The following TENM4 variants were observed in gnomAD, a reference collection of about 807,000 sequenced individuals.
The protein encoded by TENM4 is teneurin transmembrane protein 4.
TENM4 carries 82 observed loss-of-function variants against 243.3 expected under a neutral mutation model. The ratio of observed to expected loss-of-function variants is 0.34; its 90% CI spans 0.28 to 0.40. The LOEUF (loss-of-function observed/expected upper bound fraction) is 0.40, where lower values mean the gene tolerates loss of function less well. Among genes scored for constraint, TENM4 ranks in the 10% least tolerant of loss-of-function variants. TENM4 has a pLI of 1.00. For synonymous variants in TENM4, 1,412 were observed against 1,456.3 expected (o/e 0.97, Z 0.69); for missense variants, 3,138 against 3,673.3 (o/e 0.85, Z 3.77).
chr11:78,978,366 A>AAAAGAAAAGG (rs1237048132), intron 6 of TENM4, among the ~76,000 whole-genome samples: 3 of 151,760 alleles, frequency 2.0e-5, no homozygotes, highest in Non-Finnish European at 4.4e-5. Context: ...AAAAGAAAAG[A>AAAAGAAAAGG]AAAGAAAAGA....
intron 4 of TENM4, among the ~76,000 whole-genome samples, chr11:79,102,409 A>C (rs1031450823): frequency 6.6e-6 from 1 of 152,184 alleles, no homozygotes; most frequent in Admixed American, 6.5e-5. Flanking sequence ...TGAAGCTCCA[A>C]CACTCCTCAG....
intron 12 of TENM4, among the ~76,000 whole-genome samples, chr11:78,843,041 G>A (rs2136177810): frequency 6.6e-6 from 1 of 152,208 alleles, no homozygotes; most frequent in East Asian, 1.9e-4. Context: ...CACTTTGGGA[G>A]GCCGAGGCGG....
At chr11:78,709,689 G>A (rs770016483) in intron 26 of TENM4, among the ~76,000 whole-genome samples, 22 of 152,142 alleles carry the variant, frequency 1.4e-4, no homozygotes, top group Non-Finnish European at 2.5e-4. Context: ...AGCACCTTGG[G>A]TGATAATGAC....
chr11:79,314,184 A>G (rs993374206), intron 1 of TENM4, among the ~76,000 whole-genome samples: 4 of 152,280 alleles, frequency 2.6e-5, no homozygotes, highest in African/African-American at 7.2e-5. Context: ...CCGTTTTCTC[A>G]TCTGCAAAGT....
chr11:79,159,963 T>C (rs1862706614), intron 3 of TENM4, among the ~76,000 whole-genome samples: 1 of 152,222 alleles, frequency 6.6e-6, no homozygotes, highest in South Asian at 2.1e-4. Context: ...TTCTTGTTGA[T>C]TTATTTATTC....
rs773957257 is a variant in TENM4 at position 78,812,137 on chromosome 11, C to T, written c.1963G>A (p.Glu655Lys). The change falls in exon 14 of 34, where the codon GAG becomes AAG. Residue 655 changes from glutamate (E) to lysine (K), a missense_variant. Physicochemically the swap from Glu to Lys is moderately conservative, Grantham distance 56 (BLOSUM62 1). Transcript: ENST00000278550. The part of the protein sequence containing the change: ...TCICNPGYKG[E>K]SCEEVDCMDP... ...CAACTCTTACCTTCCTCACAGCTCT[C>T]GCCCTTGTAGCCAGGGTTGCAGATG... 8.4e-6 allele frequency: 13 copies of T among 1,551,280 alleles called. No homozygotes were observed. The highest frequency in any genetic ancestry group is 3.5e-4 in the Middle Eastern group (2 of 5,638).
intron 1 of TENM4, among the ~76,000 whole-genome samples, chr11:79,326,112 A>C (rs1327242211): frequency 6.6e-6 from 1 of 152,180 alleles, no homozygotes; most frequent in Non-Finnish European, 1.5e-5. Flanking sequence ...TTCCTAATAT[A>C]GTGTGATCAA....
intron 1 of TENM4, among the ~76,000 whole-genome samples, chr11:79,425,737 C>T (rs986817539): frequency 6.6e-6 from 1 of 152,212 alleles, no homozygotes; most frequent in Non-Finnish European, 1.5e-5. Context: ...TCCCATCCCT[C>T]TGGTATAAGC....
At chr11:79,171,228 T>C (rs997091221) in intron 3 of TENM4, among the ~76,000 whole-genome samples, 1 of 152,202 alleles carries the variant, frequency 6.6e-6, no homozygotes, top group Admixed American at 6.5e-5. Flanking sequence ...TATCTACAAA[T>C]GTCCTTCTCC....
chr11:79,064,806 G>C lies in TENM4; in HGVS notation c.425C>G (p.Ser142Cys). The C allele has an allele frequency of 6.4e-7, 1 of 1,551,580 alleles. No individual in the cohort carries two copies. Among genetic ancestry groups the C allele is most frequent in the Non-Finnish European group, 8.7e-7 (1 of 1,146,982 alleles). The part of the protein sequence containing the change: ...WGRSTRSGRS[S>C]CLSSRANSNL... ...GGAATTGGCCCGGCTGGACAGGCAG[G>C]AGCTGCGCCCTGACCGTGTGCTCCG... Residue 142 changes from serine (S) to cysteine (C), a missense_variant, in exon 6 of 34, where the codon TCC (serine) becomes TGC (cysteine). Ser to Cys is a moderately radical substitution (Grantham distance 112, BLOSUM62 -1). Around this residue, in one of 2 missense-constraint regions of TENM4, gnomAD observed 671 missense variants for 614.1 expected, o/e 1.09. Transcript: ENST00000278550.
At chr11:78,674,904 C>T (rs1299443431) in intron 30 of TENM4, among the ~76,000 whole-genome samples, 1 of 151,382 alleles carries the variant, frequency 6.6e-6, no homozygotes, top group East Asian at 1.9e-4. Context: ...CTTACTCTGT[C>T]GCCCAGGCTG....
At chr11:79,313,117 C>G (rs1470280052) in intron 1 of TENM4, among the ~76,000 whole-genome samples, 1 of 152,212 alleles carries the variant, frequency 6.6e-6, no homozygotes. Flanking sequence ...TCTCCGACTT[C>G]AGTTGTTTTT....
chr11:79,192,131 C>T (rs181477963), intron 3 of TENM4, among the ~76,000 whole-genome samples: 13,047 of 148,566 alleles, frequency 0.088, 1,315 homozygotes, highest in East Asian at 0.47. Flanking sequence ...CCGCCCCGTC[C>T]GGGAGGGAGG....
intron 25 of TENM4, 39 bp downstream of exon 25, chr11:78,720,331 G>A: frequency 6.2e-7 from 1 of 1,611,956 alleles, no homozygotes; most frequent in Non-Finnish European, 8.5e-7. Flanking sequence ...ATGCAACAAG[G>A]CAGGGGTGAG....
intron 2 of TENM4, among the ~76,000 whole-genome samples, chr11:79,282,579 A>T (rs1856175886): frequency 2.0e-5 from 3 of 152,152 alleles, no homozygotes; most frequent in Admixed American, 1.3e-4. Flanking sequence ...TTTACGTGTT[A>T]AAAAACAACA....
rs995221695 is a variant in TENM4 at position 78,903,336 on chromosome 11, G to A, written c.681C>T (p.Gly227=). The part of the protein sequence containing the change: ...DHSLSGEPPA[G]GAQEPAHAQE... ...GGGCGTGGGCAGGCTCCTGGGCGCC[G>A]CCGGCAGGGGGCTCTCCGGAGAGCG... Residue 227 remains glycine, a synonymous_variant, in exon 7 of 34, where the codon GGC becomes GGT. Coordinates refer to ENST00000278550, the MANE Select transcript of TENM4 (RefSeq NM_001098816.3). 2.7e-6 allele frequency: 4 copies of A among 1,477,758 alleles called. No individual in the cohort carries two copies. The African/African-American group carries it at 5.9e-5, about 22-fold the overall frequency. 91.5% of individuals were successfully genotyped at this position (1,477,758 alleles called of 1,614,324 possible). A position where few individuals can be genotyped will look rare whatever the true frequency, so the allele number is the denominator to read the frequency against.
At chr11:79,237,545 C>T (rs1255636797) in intron 2 of TENM4, among the ~76,000 whole-genome samples, 3 of 152,158 alleles carry the variant, frequency 2.0e-5, no homozygotes. Context: ...GGTGTGGTGG[C>T]AGGCACCTAT....
At chr11:78,949,881 G>C (rs1021933681) in intron 6 of TENM4, among the ~76,000 whole-genome samples, 1 of 152,186 alleles carries the variant, frequency 6.6e-6, no homozygotes, top group African/African-American at 2.4e-5. Context: ...TGGGAAGTCA[G>C]GAATGATCAC....
At chr11:78,914,387 G>A (rs1022731816) in intron 6 of TENM4, among the ~76,000 whole-genome samples, 12 of 152,190 alleles carry the variant, frequency 7.9e-5, no homozygotes, top group African/African-American at 2.7e-4. Flanking sequence ...GGGGCTTTAG[G>A]AAGATGAATG....
Sources: gnomAD v4.1 joint callset for allele counts (sites outside exome capture counted in the v4.1 genomes callset) on GRCh38, gnomAD v4.1.1 for gene constraint, gnomAD v4.1.1 regional missense constraint, MANE v1.5 for transcripts, NCBI Gene and HGNC (gene_info 2026-07-23, HGNC 2026-07-21) for gene names.